Variants in DOC2B observed in about 807,000 individuals in gnomAD.
DOC2B encodes the protein double C2 domain beta, also known as double C2-like domain-containing protein beta.
In DOC2B, 21 loss-of-function variants were observed where a neutral mutation model predicts 28.9. That is an observed-to-expected ratio of 0.73 (90% CI 0.52 to 1.05). DOC2B has a LOEUF of 1.05. Among genes scored for constraint, DOC2B ranks in the 50% least tolerant of loss-of-function variants. The probability of loss-of-function intolerance (pLI) is 0.00; values close to 1 mark genes in which losing one functional copy is unlikely to be tolerated. For synonymous variants in DOC2B, 194 were observed against 178.1 expected (o/e 1.09, Z -0.71); for missense variants, 384 against 421.1 (o/e 0.91, Z 0.77).
chr17:159,699 G>A (rs144251127), intron 5 of DOC2B, among the ~76,000 whole-genome samples: 1,737 of 152,196 alleles, frequency 0.011, 33 homozygotes, highest in African/African-American at 0.039. Context: ...GCACTCCTGC[G>A]GTCACTGTGA....
At chr17:166,270 G>A (rs1006319469) in intron 2 of DOC2B, among the ~76,000 whole-genome samples, 1 of 152,258 alleles carries the variant, frequency 6.6e-6, no homozygotes, top group Non-Finnish European at 1.5e-5. Context: ...AGCTTCCCTG[G>A]TCCTGACCCG....
intron 3 of DOC2B, chr17:163,497 C>T (rs945782475): frequency 6.6e-6 from 1 of 152,326 alleles, no homozygotes; most frequent in Non-Finnish European, 1.5e-5. Flanking sequence ...GTAGGATGCA[C>T]AGAAGGAAGT....
At chr17:160,054 G>A (rs1555523036) in intron 5 of DOC2B, among the ~76,000 whole-genome samples, 1 of 148,740 alleles carries the variant, frequency 6.7e-6, no homozygotes, top group Non-Finnish European at 1.5e-5. Context: ...GTGCAATCTC[G>A]GCTCACTGCA....
chr17:151,699 G>A (rs2040073792), intron 6 of DOC2B, among the ~76,000 whole-genome samples: 2 of 152,120 alleles, frequency 1.3e-5, no homozygotes, highest in Admixed American at 6.5e-5. Context: ...GTTTGGTGAC[G>A]GGTGAGGAGC....
rs1360331659 is a variant in DOC2B, at chr17:181,285, G to A, written c.195C>T (p.Ala65=). Residue 65 remains alanine (A), a synonymous_variant, in exon 1 of 9, where the codon GCC becomes GCT. Transcript: ENST00000613549. This position sits in a 1 kb window ranked among gnomAD's most constrained non-coding sequence, Gnocchi z 7.0. ...PPDAPARPAV[A]GAGRRSPSDG... ...CGGAGGGGCTGCGGCGGCCGGCACC[G>A]GCCACAGCCGGGCGCGCGGGGGCGT... is the stretch of plus-strand genomic sequence containing the variant. The A allele has an allele frequency of 4.2e-6, 5 of 1,198,122 alleles. No homozygotes were observed. Among genetic ancestry groups the A allele is most frequent in the Non-Finnish European group, 4.1e-6 (4 of 967,000 alleles). The allele number at this position is 1,198,122 out of a possible 1,614,324, so 74.2% of individuals were successfully genotyped here.
At position 145,567 on chromosome 17, in the gene DOC2B, G is replaced by A. The variant is rs941045505; in HGVS notation, c.*1874C>T. 1 of 152,656 alleles carries A rather than the reference G, an allele frequency of 6.6e-6. No homozygotes were observed. The highest frequency in any genetic ancestry group is 6.5e-5 in the Admixed American group (1 of 15,298). 9.5% of individuals were successfully genotyped at this position (152,656 alleles called of 1,614,324 possible). A position where few individuals can be genotyped will look rare whatever the true frequency, so the allele number is the denominator to read the frequency against. Reference sequence around the variant, plus strand: ...AGCAGGTGGCCAGGGACTGTGTGGGGGCTGGGGTCCTGTTTTCCCCGCAAC... The same window carrying A: ...AGCAGGTGGCCAGGGACTGTGTGGGAGCTGGGGTCCTGTTTTCCCCGCAAC... On this transcript the variant is annotated 3_prime_UTR_variant, in exon 9 of 9. Transcript: ENST00000613549.
chr17:162,339 T>C (rs2040215204), intron 3 of DOC2B, 149 bp from the exon 4 acceptor site: 3 of 667,322 alleles, frequency 4.5e-6, no homozygotes, highest in Non-Finnish European at 8.1e-6. Context: ...GACTTAGGGT[T>C]GGTAATGAGC....
In DOC2B at chr17:153,532, G is replaced by A. The variant is rs374306079; in HGVS notation, c.923+2688C>T. ...AGCCTGGCCAACATGGTGAAACCCCGTCTACTAAAAATACAAAAATTAGCC... is the reference window on the plus strand; with the variant it reads ...AGCCTGGCCAACATGGTGAAACCCCATCTACTAAAAATACAAAAATTAGCC... On this transcript the variant is annotated intron_variant, in intron 6 of 8. Transcript: ENST00000613549. Among the ~76,000 whole-genome samples, 321 of 152,140 alleles carry A rather than the reference G, an allele frequency of 2.1e-3. 1 individual carries two copies. Among genetic ancestry groups the A allele is most frequent in the South Asian group, 0.019 (93 of 4,816 alleles).
rs2040436019 is a variant in DOC2B, at chr17:181,070, G to C, written c.373+37C>G. On this transcript the variant is annotated intron_variant, in intron 1 of 8. Coordinates refer to ENST00000613549, the MANE Select transcript of DOC2B (RefSeq NM_003585.5). This position sits in a 1 kb window ranked among gnomAD's most constrained non-coding sequence, Gnocchi z 7.0. ...CCGTGGGGGGGCCGAGCCCGAGCCA[G>C]GGGAGGGGGCGCGAAGTCGGCGCGT... 1 of 1,225,728 alleles carries C rather than the reference G, an allele frequency of 8.2e-7. No homozygotes were observed. Among genetic ancestry groups the C allele is most frequent in the Non-Finnish European group, 1.0e-6 (1 of 981,868 alleles). The allele number at this position is 1,225,728 out of a possible 1,614,324, so 75.9% of individuals were successfully genotyped here.
At position 162,061 on chromosome 17, in the gene DOC2B, G is replaced by A. The variant is rs190156445; in HGVS notation, c.638+20C>T. The A allele has an allele frequency of 4.5e-4, 684 of 1,514,816 alleles. 3 individuals carry two copies. In the African/African-American group the frequency reaches 7.0e-3, roughly 16 times the overall value. 93.8% of individuals were successfully genotyped at this position (1,514,816 alleles called of 1,614,324 possible). A position where few individuals can be genotyped will look rare whatever the true frequency, so the allele number is the denominator to read the frequency against. On this transcript the variant is annotated intron_variant, in intron 4 of 8. Transcript: ENST00000613549. ...AGTAGGGGTTGGGGAGGGAGCAGGC[G>A]GCCTGGGACCCTCACCCACCGCAGG... is the stretch of plus-strand genomic sequence containing the variant.
chr17:175,011 G>A (rs1432615643), intron 1 of DOC2B, among the ~76,000 whole-genome samples: 1 of 152,156 alleles, frequency 6.6e-6, no homozygotes, highest in African/African-American at 2.4e-5. Context: ...AGGCTGAGAC[G>A]GGTGGATCAC....
chr17:147,388 G>A lies in DOC2B; in HGVS notation c.*53C>T. The A allele has an allele frequency of 2.5e-6, 1 of 398,832 alleles. No individual in the cohort carries two copies. The highest frequency in any genetic ancestry group is 4.4e-6 in the Non-Finnish European group (1 of 226,248). The allele number at this position is 398,832 out of a possible 1,614,324, so 24.7% of individuals were successfully genotyped here. On this transcript the variant is annotated 3_prime_UTR_variant, in exon 9 of 9. Coordinates refer to ENST00000613549, the MANE Select transcript of DOC2B (RefSeq NM_003585.5). ...CTTGGTGGCTGCTGGGGAAGCCCGG[G>A]GCCGGCCGTGCTGGGCGCAGGTGGC...
At chr17:152,343 C>T (rs866175829) in intron 6 of DOC2B, among the ~76,000 whole-genome samples, 3 of 152,162 alleles carry the variant, frequency 2.0e-5, no homozygotes, top group African/African-American at 4.8e-5. Context: ...ACGTGTAACT[C>T]GACATGTCAG....
At chr17:161,368 C>T (rs1044927824) in intron 5 of DOC2B, 47 bp downstream of exon 5, 4 of 1,543,334 alleles carry the variant, frequency 2.6e-6, no homozygotes, top group Non-Finnish European at 3.5e-6. Context: ...TTCCCAGCAC[C>T]TGCCACCGAG....
intron 5 of DOC2B, among the ~76,000 whole-genome samples, chr17:157,647 T>A (rs2040151106): frequency 1.3e-5 from 2 of 152,212 alleles, no homozygotes. Context: ...TTTTGCCATG[T>A]CTGCCAGGCT....
chr17:160,229 G>C (rs1298664051), intron 5 of DOC2B, among the ~76,000 whole-genome samples: 1 of 152,122 alleles, frequency 6.6e-6, no homozygotes, highest in South Asian at 2.1e-4. Flanking sequence ...TGACCCACCT[G>C]CCTTGGCCTC....
chr17:152,004 A>G lies in DOC2B; in HGVS notation c.924-2812T>C, dbSNP rs1251696997. On this transcript the variant is annotated intron_variant, in intron 6 of 8. Transcript: ENST00000613549. ...GCATACCCTACTCTGGCACAAGCCC[A>G]CCCTGCAAAGCCCCTGAGGCCCGCC... Among the ~76,000 whole-genome samples, 3 of 152,068 alleles carry G rather than the reference A, an allele frequency of 2.0e-5. No homozygotes were observed. In the East Asian group the frequency reaches 5.8e-4, roughly 29 times the overall value.
chr17:156,148 C>T (rs961617129), intron 6 of DOC2B, 72 bp downstream of exon 6: 24 of 1,463,754 alleles, frequency 1.6e-5, no homozygotes, highest in African/African-American at 7.1e-5. Context: ...CCTGGGACCA[C>T]GGAGCCGGCA....
In DOC2B at chr17:180,673, G is replaced by C. The variant is rs2151479435; in HGVS notation, c.373+434C>G. ...CGCCCCAGCCCCGACCCTCGGCCGC[G>C]AGGCCCTCCCGGAGCGGCTGGCGAG... is the stretch of plus-strand genomic sequence containing the variant. On this transcript the variant is annotated intron_variant, in intron 1 of 8. Coordinates refer to ENST00000613549, the MANE Select transcript of DOC2B (RefSeq NM_003585.5). Among the ~76,000 whole-genome samples the C allele has an allele frequency of 2.0e-5, 3 of 152,042 alleles. No homozygotes were observed. The Middle Eastern group carries it at 0.01, about 521-fold the overall frequency.
Sources: allele counts gnomAD v4.1 joint callset (sites outside exome capture counted in the v4.1 genomes callset), GRCh38; gene constraint gnomAD v4.1.1; non-coding constraint Gnocchi (gnomAD v3.1); transcripts MANE v1.5; gene names NCBI Gene and HGNC (gene_info 2026-07-23, HGNC 2026-07-21).